MROH1: variants seen among roughly 807,000 people sequenced by gnomAD.
MROH1 encodes maestro heat like repeat family member 1, also known as maestro heat-like repeat-containing protein family member 1.
Under a neutral mutation model 116.5 loss-of-function variants are expected in MROH1, and 117 were observed. The ratio of observed to expected loss-of-function variants is 1.00; its 90% CI spans 0.86 to 1.17. MROH1 has a LOEUF of 1.17. Ranked by LOEUF, MROH1 falls within the 50% of genes most tolerant of loss-of-function variation. MROH1 has a pLI of 0.00. For synonymous variants in MROH1, 921 were observed against 583.9 expected, an observed-to-expected ratio of 1.58 and a Z score of -8.32; for missense variants, 1,873 against 1,338.5, an observed-to-expected ratio of 1.40 and a Z score of -6.23.
At position 144,256,966 on chromosome 8, in the gene MROH1, GGGCCCTGGCTCAGACCATGA is replaced by G. The variant is rs1225741529; in HGVS notation, c.3791+1287_3791+1306del. ...CTGGAGGCAGAGCTGCACTCAAGCT[GGGCCCTGGCTCAGACCATGA>G]GGCCCTGGCTCAGACCATGAGGCCC... On this transcript the variant is annotated intron_variant, in intron 35 of 43. Transcript: ENST00000326134. 3.3e-3 allele frequency among the ~76,000 whole-genome samples: 509 copies of G among 152,176 alleles called. 4 individuals are homozygous for G. The highest frequency in any genetic ancestry group is 8.2e-3 in the African/African-American group (340 of 41,540).
intron 14 of MROH1, among the ~76,000 whole-genome samples, chr8:144,238,488 C>G (rs1406801605): frequency 6.6e-6 from 1 of 152,214 alleles, no homozygotes; most frequent in Non-Finnish European, 1.5e-5. Flanking sequence ...GCAGGCATTG[C>G]AACCTCACGA....
intron 10 of MROH1, among the ~76,000 whole-genome samples, chr8:144,196,825 G>A (rs189256171): frequency 6.0e-5 from 9 of 149,784 alleles, no homozygotes; most frequent in East Asian, 4.0e-4. Flanking sequence ...AGGCCGGTGC[G>A]GTGGCTCATG....
intron 11 of MROH1, among the ~76,000 whole-genome samples, chr8:144,199,813 C>G (rs1174992776): frequency 1.3e-5 from 2 of 152,166 alleles, no homozygotes; most frequent in Non-Finnish European, 2.9e-5. Flanking sequence ...GAGCATCTAC[C>G]CTTACACAAG....
Position 144,241,162 on chromosome 8 carries a change from G to A in MROH1, c.2055+51G>A, listed in dbSNP as rs1031993075. On this transcript the variant is annotated intron_variant, in intron 21 of 43. Coordinates refer to ENST00000326134, the MANE Select transcript of MROH1 (RefSeq NM_032450.3). Reference sequence around the variant, plus strand: ...CCCAGACACCCCAGGGCTGGAGGACGGTGGCACCTGCTGTTCTCTGAGGCA... The same window carrying A: ...CCCAGACACCCCAGGGCTGGAGGACAGTGGCACCTGCTGTTCTCTGAGGCA... 3.2e-5 allele frequency: 23 copies of A among 718,804 alleles called. No individual in the cohort carries two copies. The East Asian group carries it at 5.1e-4, about 16-fold the overall frequency. The allele number at this position is 718,804 out of a possible 1,614,324, so 44.5% of individuals were successfully genotyped here.
intron 7 of MROH1, among the ~76,000 whole-genome samples, chr8:144,190,343 C>T (rs1180741358): frequency 6.6e-6 from 1 of 152,192 alleles, no homozygotes; most frequent in African/African-American, 2.4e-5. Flanking sequence ...GCCTGGCCAA[C>T]ATGGTGAAAC....
intron 4 of MROH1, among the ~76,000 whole-genome samples, chr8:144,172,959 A>C (rs1211128932): frequency 6.6e-6 from 1 of 152,118 alleles, no homozygotes; most frequent in Non-Finnish European, 1.5e-5. Flanking sequence ...AAACCTTGTT[A>C]GGTATTTTAG....
At chr8:144,226,539 A>G (rs1252307580) in intron 14 of MROH1, among the ~76,000 whole-genome samples, 1 of 151,598 alleles carries the variant, frequency 6.6e-6, no homozygotes, top group Non-Finnish European at 1.5e-5. Context: ...TGCAGCCTCC[A>G]CCTCCCAGGT....
rs925287195 is a variant in MROH1 at position 144,180,582 on chromosome 8, G to A, written c.562+59G>A. On this transcript the variant is annotated intron_variant, in intron 7 of 43. Transcript: ENST00000326134. This position sits in a 1 kb window ranked among gnomAD's most constrained non-coding sequence, Gnocchi z 7.4. ...TGCCCCTTTGTGGGGGGCTGTTCCC[G>A]GGCATGCCTGTTTTAGGGGGGACAG... 2.0e-5 allele frequency: 31 copies of A among 1,531,890 alleles called. No individual in the cohort carries two copies. Among genetic ancestry groups the A allele is most frequent in the Admixed American group, 3.5e-5 (2 of 57,476 alleles). 94.9% of individuals were successfully genotyped at this position (1,531,890 alleles called of 1,614,324 possible).
At chr8:144,233,266 C>G (rs1839288147) in intron 14 of MROH1, among the ~76,000 whole-genome samples, 1 of 151,892 alleles carries the variant, frequency 6.6e-6, no homozygotes, top group Non-Finnish European at 1.5e-5. Flanking sequence ...CCTTCCAGCT[C>G]CAGAGCTTGT....
In MROH1 at chr8:144,180,672, G is replaced by A; in HGVS notation, c.562+149G>A. 8 of 701,720 alleles carry A rather than the reference G, an allele frequency of 1.1e-5. No individual in the cohort carries two copies. Among genetic ancestry groups the A allele is most frequent in the Non-Finnish European group, 1.9e-5 (8 of 426,120 alleles). The allele number at this position is 701,720 out of a possible 1,614,324, so 43.5% of individuals were successfully genotyped here. A position where few individuals can be genotyped will look rare whatever the true frequency, so the allele number is the denominator to read the frequency against. ...GAGGGGCCCCCTGGCTGAGGCTGCTGGCTGGTTGGGGGGCCCATGTGGGGC... is the reference window on the plus strand; with the variant it reads ...GAGGGGCCCCCTGGCTGAGGCTGCTAGCTGGTTGGGGGGCCCATGTGGGGC... On this transcript the variant is annotated intron_variant, in intron 7 of 43. Transcript: ENST00000326134. This position sits in a 1 kb window ranked among gnomAD's most constrained non-coding sequence, Gnocchi z 7.4.
At chr8:144,184,307 G>A (rs1309777896) in intron 7 of MROH1, among the ~76,000 whole-genome samples, 5 of 152,156 alleles carry the variant, frequency 3.3e-5, no homozygotes, top group Admixed American at 2.0e-4. Context: ...GTGTGGCCGT[G>A]GGAAGCAGCG....
chr8:144,257,976 T>A (rs948260286), intron 35 of MROH1, among the ~76,000 whole-genome samples: 1 of 152,172 alleles, frequency 6.6e-6, no homozygotes. Flanking sequence ...CAGGGCATCC[T>A]CTGCCCCAGA....
At chr8:144,151,575 G>A (rs1816801094) in intron 1 of MROH1, among the ~76,000 whole-genome samples, 1 of 152,152 alleles carries the variant, frequency 6.6e-6, no homozygotes, top group Admixed American at 6.5e-5. Context: ...CATTCTCCAA[G>A]CCCAGGTGTG....
At chr8:144,205,638 T>C (rs545257727) in intron 12 of MROH1, among the ~76,000 whole-genome samples, 14 of 152,270 alleles carry the variant, frequency 9.2e-5, no homozygotes, top group Admixed American at 4.6e-4. Context: ...CCCAGGTCCA[T>C]AGAGTGCGCA....
chr8:144,203,488 G>C (rs1564469225), intron 12 of MROH1, among the ~76,000 whole-genome samples: 1 of 151,334 alleles, frequency 6.6e-6, no homozygotes, highest in Non-Finnish European at 1.5e-5. Context: ...CAGGCTATCT[G>C]TTGAGGGGTT....
At position 144,220,050 on chromosome 8, in the gene MROH1, C is replaced by T. The variant is rs114924979; in HGVS notation, c.1142-550C>T. 7.0e-3 allele frequency among the ~76,000 whole-genome samples: 1,066 copies of T among 152,286 alleles called. 9 individuals are homozygous for T. Among genetic ancestry groups the T allele is most frequent in the African/African-American group, 0.024 (1,008 of 41,538 alleles). ...GGGCACTTGCACTGTCCCCAGTGTC[C>T]TTCATTTTTATAGTCTCTCAGCCAC... On this transcript the variant is annotated intron_variant, in intron 12 of 43. Transcript: ENST00000326134.
Position 144,242,403 on chromosome 8 carries a change from G to GT in MROH1, c.2214dup (p.Ala739CysfsTer142), listed in dbSNP as rs1841163704. On this transcript the variant is annotated frameshift_variant, in exon 23 of 44. Transcript: ENST00000326134. LOFTEE classifies it high-confidence loss of function. ...GAGAACGAAGTGGAGAAGGTGAAGA[G>GT]TGCTCTGATCCTGTGCTATGGGCAC... 1 of 780,638 alleles carries GT rather than the reference G, an allele frequency of 1.3e-6. No homozygotes were observed. The allele number at this position is 780,638 out of a possible 1,614,324, so 48.4% of individuals were successfully genotyped here. A position where few individuals can be genotyped will look rare whatever the true frequency, so the allele number is the denominator to read the frequency against.
intron 14 of MROH1, among the ~76,000 whole-genome samples, chr8:144,230,218 C>T (rs575813217): frequency 3.5e-4 from 53 of 152,254 alleles, no homozygotes; most frequent in African/African-American, 1.2e-3. Flanking sequence ...CCTCTCTGCT[C>T]TCAGCCTTCA....
intron 16 of MROH1, 22 bp downstream of exon 16, chr8:144,239,201 A>G (rs1588425587): frequency 1.5e-6 from 1 of 662,518 alleles, no homozygotes; most frequent in South Asian, 1.4e-5. Context: ...GCCGTACCCC[A>G]CCTCCCCACT....
Sources: allele counts gnomAD v4.1 joint callset (sites outside exome capture counted in the v4.1 genomes callset), GRCh38; gene constraint gnomAD v4.1.1; non-coding constraint Gnocchi (gnomAD v3.1); transcripts MANE v1.5; gene names NCBI Gene and HGNC (gene_info 2026-07-23, HGNC 2026-07-21).